Variants in NXPE3 observed in about 807,000 individuals in gnomAD.
The protein encoded by NXPE3 is neurexophilin and PC-esterase domain family member 3.
NXPE3 carries 26 observed loss-of-function variants against 46.1 expected under a neutral mutation model. The observed-to-expected ratio is 0.56, with a 90% CI of 0.41 to 0.78. The LOEUF (loss-of-function observed/expected upper bound fraction) is 0.78, where lower values mean the gene tolerates loss of function less well. Ranked by LOEUF, NXPE3 falls within the 30% of genes least tolerant of loss-of-function variation. The pLI is 0.00. For missense variants in NXPE3, 620 were observed against 686.0 expected (o/e 0.90, Z 1.07); for synonymous variants, 272 against 257.9 (o/e 1.05, Z -0.52).
In NXPE3 at chr3:101,807,119, A is replaced by C; in HGVS notation, c.915A>C (p.Arg305Ser). The C allele has an allele frequency of 6.2e-7, 1 of 1,610,876 alleles. No homozygotes were observed. The highest frequency in any genetic ancestry group is 8.5e-7 in the Non-Finnish European group (1 of 1,177,352). The part of the protein sequence containing the change: ...GPDWVTVIPR[R>S]IKETNSLELS... ...ATTGGGTAACTGTGATTCCCAGGAG[A>C]ATAAAAGGTAAAAAAAAGAATAAGC... The change falls in exon 6 of 8, where the codon AGA becomes AGC. Residue 305 changes from arginine (R) to serine (S), a missense_variant. Physicochemically the swap from Arg to Ser is moderately radical, Grantham distance 110. Around this residue, in one of 3 missense-constraint regions of NXPE3, gnomAD observed 511 missense variants for 528.6 expected, o/e 0.97. Coordinates refer to ENST00000273347, the MANE Select transcript of NXPE3 (RefSeq NM_145037.4).
chr3:101,799,340 C>A (rs1375821645), intron 4 of NXPE3, among the ~76,000 whole-genome samples: 1 of 152,094 alleles, frequency 6.6e-6, no homozygotes, highest in Non-Finnish European at 1.5e-5. Context: ...AATAATGTAT[C>A]TAGTCCTTTT....
At chr3:101,795,133 T>C (rs1940749811) in intron 4 of NXPE3, among the ~76,000 whole-genome samples, 1 of 152,214 alleles carries the variant, frequency 6.6e-6, no homozygotes, top group Non-Finnish European at 1.5e-5. Context: ...CACTCTCTAA[T>C]CCCTTTCCAT....
intron 4 of NXPE3, among the ~76,000 whole-genome samples, chr3:101,798,441 G>T (rs960760861): frequency 1.3e-5 from 2 of 151,782 alleles, no homozygotes; most frequent in Admixed American, 6.6e-5. Context: ...CTAGAGTGCG[G>T]TGGCACAGTC....
At chr3:101,812,920 T>A (rs1941789110) in intron 6 of NXPE3, among the ~76,000 whole-genome samples, 1 of 151,874 alleles carries the variant, frequency 6.6e-6, no homozygotes, top group Non-Finnish European at 1.5e-5. Context: ...TATAGCATTC[T>A]TAGCTTACCT....
intron 6 of NXPE3, among the ~76,000 whole-genome samples, chr3:101,807,525 T>G (rs1023568845): frequency 3.8e-4 from 58 of 151,960 alleles, no homozygotes; most frequent in Admixed American, 3.7e-3. Context: ...ATTTTTGCCA[T>G]GTTGCCCAGG....
At chr3:101,803,904 G>A (rs1941286498) in intron 5 of NXPE3, among the ~76,000 whole-genome samples, 1 of 152,210 alleles carries the variant, frequency 6.6e-6, no homozygotes, top group Non-Finnish European at 1.5e-5. Flanking sequence ...ACAGATGTGA[G>A]CCACCATACC....
At position 101,823,848 on chromosome 3, in the gene NXPE3, C is replaced by T. The variant is rs1560074287; in HGVS notation, c.*1894C>T. 6.6e-6 allele frequency: 1 copy of T among 151,652 alleles called. No homozygotes were observed. Among genetic ancestry groups the T allele is most frequent in the Non-Finnish European group, 1.5e-5 (1 of 67,932 alleles). 9.4% of individuals were successfully genotyped at this position (151,652 alleles called of 1,614,324 possible). ...GTAATCCCAGCAGGGATTATAGTCT[C>T]GGGAGGCTGAGGTGGGCGGATTGCT... On this transcript the variant is annotated 3_prime_UTR_variant, in exon 8 of 8. Transcript: ENST00000273347.
At chr3:101,797,271 T>TA (rs1940883148) in intron 4 of NXPE3, among the ~76,000 whole-genome samples, 1 of 152,192 alleles carries the variant, frequency 6.6e-6, no homozygotes, top group Non-Finnish European at 1.5e-5. Flanking sequence ...TTGTGAACTT[T>TA]ACAAGGTATC....
intron 7 of NXPE3, among the ~76,000 whole-genome samples, chr3:101,817,907 T>C (rs1393843539): frequency 6.6e-6 from 1 of 152,172 alleles, no homozygotes; most frequent in Non-Finnish European, 1.5e-5. Flanking sequence ...GATTGATTGA[T>C]TGAGATGAGG....
At chr3:101,793,439 T>A (rs1259877112) in intron 4 of NXPE3, among the ~76,000 whole-genome samples, 2 of 152,110 alleles carry the variant, frequency 1.3e-5, no homozygotes, top group Non-Finnish European at 2.9e-5. Context: ...TTGGATCTTG[T>A]TTTTTATCTA....
chr3:101,821,498 T>G lies in NXPE3; in HGVS notation c.1224T>G (p.His408Gln). The change falls in exon 8 of 8, where the codon CAT (histidine) becomes CAG (glutamine). Residue 408 changes from histidine (H) to glutamine (Q), a missense_variant. Physicochemically the swap from His to Gln is conservative, Grantham distance 24 (BLOSUM62 0). Coordinates refer to ENST00000273347, the MANE Select transcript of NXPE3 (RefSeq NM_145037.4). ...ACATCCTGCTCAAATACCGCTGCCA[T>G]GGTCCACCCATCCGCTTCACGACTG... ...KHNILLKYRCHGPPIRFTTVF... is the reference protein window; with the variant it reads ...KHNILLKYRCQGPPIRFTTVF... The G allele has an allele frequency of 6.2e-7, 1 of 1,614,196 alleles. No individual in the cohort carries two copies. The highest frequency in any genetic ancestry group is 2.2e-5 in the East Asian group (1 of 44,878).
intron 4 of NXPE3, among the ~76,000 whole-genome samples, chr3:101,796,354 A>G (rs1381112617): frequency 6.6e-6 from 1 of 152,212 alleles, no homozygotes; most frequent in African/African-American, 2.4e-5. Flanking sequence ...GCGGGTGTGA[A>G]GTTGCCCTTG....
At chr3:101,787,017 G>C (rs2107246297) in intron 4 of NXPE3, among the ~76,000 whole-genome samples, 1 of 152,160 alleles carries the variant, frequency 6.6e-6, no homozygotes, top group Middle Eastern at 3.4e-3. Flanking sequence ...GAGGTCAGGA[G>C]TTCAAGACCA....
At chr3:101,807,920 C>G (rs1941500820) in intron 6 of NXPE3, among the ~76,000 whole-genome samples, 1 of 151,892 alleles carries the variant, frequency 6.6e-6, no homozygotes, top group African/African-American at 2.4e-5. Context: ...TAAATCATCA[C>G]AAAAAGTTGT....
chr3:101,808,254 G>A (rs539552635), intron 6 of NXPE3, among the ~76,000 whole-genome samples: 4 of 152,296 alleles, frequency 2.6e-5, no homozygotes, highest in South Asian at 4.2e-4. Context: ...ATTAGCTATC[G>A]TGATTTTTAG....
intron 5 of NXPE3, among the ~76,000 whole-genome samples, chr3:101,805,845 A>G (rs1473373559): frequency 6.6e-6 from 1 of 152,044 alleles, no homozygotes; most frequent in Non-Finnish European, 1.5e-5. Context: ...ATATTTTTAC[A>G]GGAAATTATG....
intron 4 of NXPE3, among the ~76,000 whole-genome samples, chr3:101,800,357 A>G (rs1464309452): frequency 6.6e-6 from 1 of 152,010 alleles, no homozygotes; most frequent in Non-Finnish European, 1.5e-5. Flanking sequence ...TCTTTCTATT[A>G]TTGATTTCTA....
intron 4 of NXPE3, among the ~76,000 whole-genome samples, chr3:101,800,016 G>A: frequency 6.6e-6 from 1 of 151,984 alleles, no homozygotes; most frequent in South Asian, 2.1e-4. Context: ...CCAGCTTTGG[G>A]TTTCATTGAT....
chr3:101,808,707 C>G (rs1300012713), intron 6 of NXPE3, among the ~76,000 whole-genome samples: 1 of 151,014 alleles, frequency 6.6e-6, no homozygotes, highest in Non-Finnish European at 1.5e-5. Context: ...CAGGGCACTG[C>G]CAGTTTATAT....
Sources: allele counts gnomAD v4.1 joint callset (sites outside exome capture counted in the v4.1 genomes callset), GRCh38; gene constraint gnomAD v4.1.1; regional missense constraint gnomAD v4.1.1; transcripts MANE v1.5; gene names NCBI Gene and HGNC (gene_info 2026-07-23, HGNC 2026-07-21).